ASAP1: variants seen among roughly 807,000 people sequenced by gnomAD.
The protein encoded by ASAP1 is ArfGAP with SH3 domain, ankyrin repeat and PH domain 1, also known as arf-GAP with SH3 domain, ANK repeat and PH domain-containing protein 1.
ASAP1 carries 43 observed loss-of-function variants against 145.2 expected under a neutral mutation model. The ratio of observed to expected loss-of-function variants is 0.30; its 90% CI spans 0.23 to 0.38. The LOEUF is 0.38. Among genes scored for constraint, ASAP1 ranks in the 10% least tolerant of loss-of-function variants. ASAP1 has a pLI of 1.00. For synonymous variants in ASAP1, 546 were observed against 515.5 expected (o/e 1.06, Z -0.80); for missense variants, 1,018 against 1,355.3 (o/e 0.75, Z 3.91).
chr8:130,135,309 A>C (rs1205504107), intron 14 of ASAP1, among the ~76,000 whole-genome samples: 1 of 152,152 alleles, frequency 6.6e-6, no homozygotes, highest in African/African-American at 2.4e-5. Flanking sequence ...TCAGCAACAG[A>C]GACCCTGCCT....
chr8:130,259,020 T>G (rs1236819042), intron 3 of ASAP1, among the ~76,000 whole-genome samples: 1 of 152,150 alleles, frequency 6.6e-6, no homozygotes, highest in Admixed American at 6.5e-5. Flanking sequence ...GCTTATGGTA[T>G]TTTAATTTTT....
At chr8:130,083,156 A>AGAT (rs1564939246) in intron 25 of ASAP1, 1 of 152,224 alleles carries the variant, frequency 6.6e-6, no homozygotes, top group Admixed American at 6.5e-5. Context: ...ACGAGTCATC[A>AGAT]TGTCAGGGGC....
chr8:130,431,824 G>A (rs973765326), intron 1 of ASAP1, among the ~76,000 whole-genome samples: 5 of 149,266 alleles, frequency 3.3e-5, no homozygotes, highest in African/African-American at 1.2e-4. Context: ...GGAAGAGTAG[G>A]GAGAGGTGAA....
chr8:130,367,704 A>ACTCCAAACACAAAGAGGTCCCCAGCTCTG, intron 2 of ASAP1, among the ~76,000 whole-genome samples: 1 of 152,196 alleles, frequency 6.6e-6, no homozygotes, highest in South Asian at 2.1e-4. Context: ...GTGACTACCA[A>ACTCCAAACACAAAGAGGTCCCCAGCTCTG]CTCCAAACAC....
chr8:130,342,461 G>A (rs1291180778), intron 3 of ASAP1, among the ~76,000 whole-genome samples: 1 of 152,160 alleles, frequency 6.6e-6, no homozygotes, highest in Non-Finnish European at 1.5e-5. Context: ...CTTAACAGAT[G>A]TCCATTCTAA....
Position 130,358,178 on chromosome 8 carries a change from G to A in ASAP1, c.60-35C>T, listed in dbSNP as rs1310564510. 7 of 1,574,570 alleles carry A rather than the reference G, an allele frequency of 4.4e-6. No individual in the cohort carries two copies. Among genetic ancestry groups the A allele is most frequent in the Non-Finnish European group, 6.0e-6 (7 of 1,162,122 alleles). The stretch of plus-strand genomic sequence containing the variant: ...GGGACGAGACACAAGCGGGGGCGGG[G>A]GGTGAGTCACGGCGCAGGCTCCCGG... On this transcript the variant is annotated intron_variant, in intron 2 of 29. Coordinates refer to ENST00000518721, the MANE Select transcript of ASAP1 (RefSeq NM_018482.4). This position sits in a 1 kb window ranked among gnomAD's most constrained non-coding sequence, Gnocchi z 4.1.
At chr8:130,133,173 T>A (rs909749649) in intron 15 of ASAP1, among the ~76,000 whole-genome samples, 2 of 151,882 alleles carry the variant, frequency 1.3e-5, no homozygotes, top group Non-Finnish European at 2.9e-5. Context: ...TGAACAATAA[T>A]TGCCCATTTT....
intron 5 of ASAP1, among the ~76,000 whole-genome samples, chr8:130,206,307 C>T (rs1816217344): frequency 6.6e-6 from 1 of 152,022 alleles, no homozygotes; most frequent in South Asian, 2.1e-4. Flanking sequence ...CCAGAAGCTA[C>T]CAATTTTACC....
At chr8:130,301,506 G>A (rs1015391623) in intron 3 of ASAP1, among the ~76,000 whole-genome samples, 14 of 152,080 alleles carry the variant, frequency 9.2e-5, no homozygotes, top group African/African-American at 3.1e-4. Context: ...CATATATAGT[G>A]GTTGAATGAA....
At chr8:130,059,703 T>G (rs1050131414) in intron 28 of ASAP1, among the ~76,000 whole-genome samples, 4 of 152,230 alleles carry the variant, frequency 2.6e-5, no homozygotes, top group African/African-American at 9.7e-5. Context: ...ATGAGATTTC[T>G]ACAAAATTCT....
chr8:130,166,192 A>G (rs993169635), intron 11 of ASAP1, among the ~76,000 whole-genome samples: 1 of 152,118 alleles, frequency 6.6e-6, no homozygotes, highest in Admixed American at 6.5e-5. Flanking sequence ...AATTTTTTGT[A>G]GACACAGGCT....
chr8:130,183,286 G>C (rs1166165582), intron 7 of ASAP1, among the ~76,000 whole-genome samples: 3 of 151,836 alleles, frequency 2.0e-5, no homozygotes, highest in Non-Finnish European at 2.9e-5. Context: ...AGCAATACTG[G>C]AAAGTAGAAA....
At chr8:130,124,870 G>C (rs2097572463) in intron 17 of ASAP1, among the ~76,000 whole-genome samples, 1 of 152,198 alleles carries the variant, frequency 6.6e-6, no homozygotes, top group African/African-American at 2.4e-5. Flanking sequence ...CTGCACTAAA[G>C]AATGTGTTAC....
intron 7 of ASAP1, 93 bp from the exon 8 acceptor site, chr8:130,180,973 G>A: frequency 8.5e-7 from 1 of 1,180,842 alleles, no homozygotes; most frequent in African/African-American, 1.6e-5. Flanking sequence ...TGGATTTGGG[G>A]TGACGATGTG....
At position 130,276,519 on chromosome 8, in the gene ASAP1, G is replaced by A. The variant is rs181831774; in HGVS notation, c.187-39525C>T. On this transcript the variant is annotated intron_variant, in intron 3 of 29. Transcript: ENST00000518721. Reference sequence around the variant, plus strand: ...TCTATGCTACTGACAGGTATCCTCAGACAAAAAAGCTGGCATTTGTGTCCT... The same window carrying A: ...TCTATGCTACTGACAGGTATCCTCAAACAAAAAAGCTGGCATTTGTGTCCT... 5.8e-3 allele frequency among the ~76,000 whole-genome samples: 878 copies of A among 152,224 alleles called. 7 individuals are homozygous for A. Among genetic ancestry groups the A allele is most frequent in the Non-Finnish European group, 9.2e-3 (627 of 68,016 alleles).
intron 20 of ASAP1, among the ~76,000 whole-genome samples, chr8:130,117,848 G>GA (rs2097558899): frequency 6.6e-6 from 1 of 152,202 alleles, no homozygotes; most frequent in African/African-American, 2.4e-5. Context: ...TAAAGGCCAA[G>GA]AGATGGCAAA....
chr8:130,408,512 A>G (rs2138623602), intron 1 of ASAP1, among the ~76,000 whole-genome samples: 1 of 152,168 alleles, frequency 6.6e-6, no homozygotes, highest in Non-Finnish European at 1.5e-5. Flanking sequence ...TGGTTTTTAG[A>G]CCTTCGGGCT....
rs1049798649 is a variant in ASAP1 at position 130,118,248 on chromosome 8, TA to T, written c.1795-3del. On this transcript the variant is annotated splice_polypyrimidine_tract_variant and splice_region_variant and intron_variant, in intron 19 of 29. Coordinates refer to ENST00000518721, the MANE Select transcript of ASAP1 (RefSeq NM_018482.4). ...GTGAAGGGCTGTCTCCCCAAGCTCC[TA>T]AAAAGGGAAAGAAAAGTATAAGTAA... The T allele has an allele frequency of 2.5e-6, 4 of 1,613,228 alleles. No homozygotes were observed. The highest frequency in any genetic ancestry group is 3.4e-6 in the Non-Finnish European group (4 of 1,179,630).
intron 2 of ASAP1, among the ~76,000 whole-genome samples, chr8:130,396,534 T>C (rs182360757): frequency 1.3e-5 from 2 of 152,380 alleles, no homozygotes; most frequent in African/African-American, 2.4e-5. Context: ...TTTGAAAGGA[T>C]TTTCGCAGCA....
Sources: allele counts gnomAD v4.1 joint callset (sites outside exome capture counted in the v4.1 genomes callset), GRCh38; gene constraint gnomAD v4.1.1; non-coding constraint Gnocchi (gnomAD v3.1); transcripts MANE v1.5; gene names NCBI Gene and HGNC (gene_info 2026-07-23, HGNC 2026-07-21).